TNR: variants seen among roughly 807,000 people sequenced by gnomAD.
TNR encodes tenascin R, also known as tenascin-R.
TNR carries 45 observed loss-of-function variants against 150.4 expected under a neutral mutation model. That is an observed-to-expected ratio of 0.30 (90% CI 0.24 to 0.38). TNR has a LOEUF of 0.38. TNR is among the 10% of genes least tolerant of loss of function. The pLI is 1.00. For missense variants in TNR, 1,544 were observed against 1,759.1 expected (o/e 0.88, Z 2.19); for synonymous variants, 687 against 678.4 (o/e 1.01, Z -0.20).
At chr1:175,363,468 T>A (rs537619231) in intron 13 of TNR, among the ~76,000 whole-genome samples, 48 of 152,326 alleles carry the variant, frequency 3.2e-4, no homozygotes, top group Non-Finnish European at 6.3e-4. Context: ...ATAATGGTGA[T>A]CAGTTACCTC....
intron 1 of TNR, among the ~76,000 whole-genome samples, chr1:175,731,256 GA>G (rs1312642551): frequency 6.6e-6 from 1 of 152,170 alleles, no homozygotes; most frequent in Non-Finnish European, 1.5e-5. Flanking sequence ...TGGTTCAACT[GA>G]AAAGTGCGAG....
At chr1:175,371,408 T>C (rs1472400554) in intron 9 of TNR, among the ~76,000 whole-genome samples, 1 of 152,196 alleles carries the variant, frequency 6.6e-6, no homozygotes, top group Non-Finnish European at 1.5e-5. Flanking sequence ...CAACAAATAT[T>C]AAGGGCCTCC....
chr1:175,438,762 C>A (rs1179548589), intron 2 of TNR, among the ~76,000 whole-genome samples: 4 of 152,154 alleles, frequency 2.6e-5, no homozygotes, highest in African/African-American at 9.7e-5. Context: ...CATGAGTGAA[C>A]TCCCATTCAC....
intron 20 of TNR, chr1:175,330,613 A>G (rs1649691721): frequency 6.1e-6 from 1 of 163,750 alleles, no homozygotes; most frequent in African/African-American, 2.4e-5. Flanking sequence ...GCCCTTGGGC[A>G]TGAGTGATCG....
chr1:175,558,899 G>A (rs1403589897), intron 1 of TNR, among the ~76,000 whole-genome samples: 2 of 152,150 alleles, frequency 1.3e-5, no homozygotes, highest in East Asian at 3.9e-4. Context: ...TGTATACCAA[G>A]AGCGAATCCT....
chr1:175,604,122 C>T lies in TNR; in HGVS notation c.-164-75753G>A, dbSNP rs569507392. On this transcript the variant is annotated intron_variant, in intron 1 of 22. Coordinates refer to ENST00000367674, the MANE Select transcript of TNR (RefSeq NM_003285.3). Reference sequence around the variant, plus strand: ...GAGATGAGGACAGTGGCAGCTTTTCCCCTTCCCCGCTCCCCTCTTCTAATG... The same window carrying T: ...GAGATGAGGACAGTGGCAGCTTTTCTCCTTCCCCGCTCCCCTCTTCTAATG... Among the ~76,000 whole-genome samples, 22 of 152,078 alleles carry T rather than the reference C, an allele frequency of 1.4e-4. No homozygotes were observed. In the East Asian group the frequency reaches 4.3e-3, roughly 30 times the overall value.
chr1:175,351,512 G>A (rs1392208160), intron 18 of TNR, among the ~76,000 whole-genome samples: 1 of 152,158 alleles, frequency 6.6e-6, no homozygotes, highest in Non-Finnish European at 1.5e-5. Context: ...AATCGCCTTA[G>A]GCTTTATTTT....
chr1:175,517,371 G>A (rs1659457901), intron 2 of TNR, among the ~76,000 whole-genome samples: 1 of 152,214 alleles, frequency 6.6e-6, no homozygotes, highest in African/African-American at 2.4e-5. Context: ...CCCATGTGCA[G>A]ATGGAGGAAT....
At chr1:175,573,914 G>T (rs1661990834) in intron 1 of TNR, among the ~76,000 whole-genome samples, 2 of 152,222 alleles carry the variant, frequency 1.3e-5, no homozygotes. Context: ...ATAAGGCTTG[G>T]CATGAGCAAT....
chr1:175,732,542 A>G (rs1383605990), intron 1 of TNR, among the ~76,000 whole-genome samples: 1 of 152,232 alleles, frequency 6.6e-6, no homozygotes, highest in Non-Finnish European at 1.5e-5. Context: ...AGCTCCAGAG[A>G]GAAATAGTGA....
chr1:175,625,734 G>A (rs1046817403), intron 1 of TNR, among the ~76,000 whole-genome samples: 17 of 152,224 alleles, frequency 1.1e-4, no homozygotes, highest in African/African-American at 3.4e-4. Flanking sequence ...GAGCAGACGG[G>A]ACTGAGACTG....
intron 1 of TNR, among the ~76,000 whole-genome samples, chr1:175,650,533 C>T (rs1246323038): frequency 6.6e-6 from 1 of 151,786 alleles, no homozygotes. Context: ...CTAATTGGTA[C>T]AGGCTAACAA....
At chr1:175,707,442 A>C (rs1235039614) in intron 1 of TNR, among the ~76,000 whole-genome samples, 1 of 152,232 alleles carries the variant, frequency 6.6e-6, no homozygotes, top group Non-Finnish European at 1.5e-5. Flanking sequence ...AAACAAAAAC[A>C]AAATCAAAAA....
chr1:175,669,482 A>C (rs1232141102), intron 1 of TNR, among the ~76,000 whole-genome samples: 1 of 152,234 alleles, frequency 6.6e-6, no homozygotes, highest in African/African-American at 2.4e-5. Context: ...ACAGAGCGCC[A>C]TTGCACCAAG....
intron 1 of TNR, among the ~76,000 whole-genome samples, chr1:175,703,327 C>A (rs1205807093): frequency 6.6e-6 from 1 of 152,182 alleles, no homozygotes; most frequent in East Asian, 1.9e-4. Flanking sequence ...CTTCTGTGAA[C>A]TGTGATGTTC....
At chr1:175,735,059 T>C (rs987430850) in intron 1 of TNR, among the ~76,000 whole-genome samples, 1 of 152,234 alleles carries the variant, frequency 6.6e-6, no homozygotes, top group Non-Finnish European at 1.5e-5. Flanking sequence ...ATAAGTTCCA[T>C]CTCTCTGTGG....
At chr1:175,679,829 A>T (rs994629617) in intron 1 of TNR, among the ~76,000 whole-genome samples, 2 of 152,200 alleles carry the variant, frequency 1.3e-5, no homozygotes, top group African/African-American at 4.8e-5. Flanking sequence ...TGTTTGGCTC[A>T]AGTCATTCCA....
rs1664987475 is a variant in TNR at position 175,651,303 on chromosome 1, C to T, written c.-165+91923G>A. Among the ~76,000 whole-genome samples the T allele has an allele frequency of 3.3e-5, 5 of 150,998 alleles. No individual in the cohort carries two copies. The South Asian group carries it at 1.1e-3, about 32-fold the overall frequency. On this transcript the variant is annotated intron_variant, in intron 1 of 22. Coordinates refer to ENST00000367674, the MANE Select transcript of TNR (RefSeq NM_003285.3). ...AAGAGACACAGCTATGGGAAGAGAGCCTGGCCCAGGCAGAGGGTTCAGCAT... is the reference window on the plus strand; with the variant it reads ...AAGAGACACAGCTATGGGAAGAGAGTCTGGCCCAGGCAGAGGGTTCAGCAT...
intron 1 of TNR, among the ~76,000 whole-genome samples, chr1:175,561,859 C>T (rs1041986362): frequency 1.3e-5 from 2 of 152,136 alleles, no homozygotes; most frequent in Non-Finnish European, 2.9e-5. Context: ...CTGTGAGGCC[C>T]GTGAGACCTG....
Sources: gnomAD v4.1 joint callset for allele counts (sites outside exome capture counted in the v4.1 genomes callset) on GRCh38, gnomAD v4.1.1 for gene constraint, MANE v1.5 for transcripts, NCBI Gene and HGNC (gene_info 2026-07-23, HGNC 2026-07-21) for gene names.